Variants in MICOS10 observed in about 807,000 individuals in gnomAD.
The protein encoded by MICOS10 is mitochondrial contact site and cristae organizing system subunit 10, also known as MICOS complex subunit MIC10.
A neutral mutation model predicts 13.4 loss-of-function variants in MICOS10; 5 were observed. That is an observed-to-expected ratio of 0.37 (90% confidence interval 0.20 to 0.78). The LOEUF is 0.78. Ranked by LOEUF, MICOS10 falls within the 30% of genes least tolerant of loss-of-function variation. MICOS10 has a pLI of 0.47. For synonymous variants in MICOS10, 35 were observed against 33.6 expected, an observed-to-expected ratio of 1.04 and a Z score of -0.15; for missense variants, 101 against 94.6, an observed-to-expected ratio of 1.07 and a Z score of -0.28.
At chr1:19,617,542 A>G (rs1326215546) in intron 1 of MICOS10, among the ~76,000 whole-genome samples, 1 of 152,228 alleles carries the variant, frequency 6.6e-6, no homozygotes, top group Non-Finnish European at 1.5e-5. Context: ...TAAGTAACAC[A>G]GTTTGAAGCT....
At chr1:19,614,390 ACACACACT>A (rs1343460618) in intron 1 of MICOS10, 1 of 151,084 alleles carries the variant, frequency 6.6e-6, no homozygotes, top group African/African-American at 2.4e-5. Context: ...TCTTTCACAC[ACACACACT>A]CTCACACACA....
intron 1 of MICOS10, among the ~76,000 whole-genome samples, chr1:19,604,199 G>A (rs2094826383): frequency 6.6e-6 from 1 of 152,150 alleles, no homozygotes; most frequent in African/African-American, 2.4e-5. Flanking sequence ...GACGTTGCCT[G>A]TACTTACTAA....
chr1:19,624,672 G>A (rs896847595), intron 3 of MICOS10, among the ~76,000 whole-genome samples: 40 of 152,192 alleles, frequency 2.6e-4, no homozygotes, highest in Middle Eastern at 3.4e-3. Flanking sequence ...GCTTCCTCAG[G>A]GCTTCGTGTG....
chr1:19,627,808 T>C lies in MICOS10; in HGVS notation c.*1407T>C, dbSNP rs2094926762. Reference sequence around the variant, plus strand: ...CTGACTCCAGTTCTGGAACATTGATTAGACCTTAGTTCTTGCAAGTGCTAT... The same window carrying C: ...CTGACTCCAGTTCTGGAACATTGATCAGACCTTAGTTCTTGCAAGTGCTAT... On this transcript the variant is annotated 3_prime_UTR_variant, in exon 4 of 4. Coordinates refer to ENST00000322753, the MANE Select transcript of MICOS10 (RefSeq NM_001032363.4). 1 of 152,268 alleles carries C rather than the reference T, an allele frequency of 6.6e-6. No individual in the cohort carries two copies. The highest frequency in any genetic ancestry group is 1.5e-5 in the Non-Finnish European group (1 of 68,070). 9.4% of individuals were successfully genotyped at this position (152,268 alleles called of 1,614,324 possible).
chr1:19,629,115 A>G lies in MICOS10; in HGVS notation c.*2714A>G, dbSNP rs1333208830. 1 of 152,226 alleles carries G rather than the reference A, an allele frequency of 6.6e-6. No individual in the cohort carries two copies. The highest frequency in any genetic ancestry group is 1.5e-5 in the Non-Finnish European group (1 of 68,072). The allele number at this position is 152,226 out of a possible 1,614,324, so 9.4% of individuals were successfully genotyped here. On this transcript the variant is annotated 3_prime_UTR_variant, in exon 4 of 4. Coordinates refer to ENST00000322753, the MANE Select transcript of MICOS10 (RefSeq NM_001032363.4). The stretch of plus-strand genomic sequence containing the variant: ...CACTCCCTGCCCCCATCTCAGATCA[A>G]CCTTCAGAAAGTCCCGGCTTGTTGG...
chr1:19,617,054 A>G (rs768429602), intron 1 of MICOS10, among the ~76,000 whole-genome samples: 1 of 152,122 alleles, frequency 6.6e-6, no homozygotes, highest in Non-Finnish European at 1.5e-5. Context: ...GTCTCCAGCT[A>G]TGTTTCTTGT....
At position 19,627,419 on chromosome 1, in the gene MICOS10, GATAA is replaced by G. The variant is rs1176057093; in HGVS notation, c.*1022_*1025del. 1 of 152,208 alleles carries G rather than the reference GATAA, an allele frequency of 6.6e-6. No individual in the cohort carries two copies. Among genetic ancestry groups the G allele is most frequent in the East Asian group, 1.9e-4 (1 of 5,196 alleles). The allele number at this position is 152,208 out of a possible 1,614,324, so 9.4% of individuals were successfully genotyped here. On this transcript the variant is annotated 3_prime_UTR_variant, in exon 4 of 4. Coordinates refer to ENST00000322753, the MANE Select transcript of MICOS10 (RefSeq NM_001032363.4). ...CTGTTGTAAGCAGCAGAGATAAATG[GATAA>G]ATAGACACAGGCTTCTGCCTTCAAG...
intron 1 of MICOS10, among the ~76,000 whole-genome samples, chr1:19,611,727 T>C (rs893267072): frequency 2.6e-5 from 4 of 151,928 alleles, no homozygotes; most frequent in African/African-American, 9.7e-5. Flanking sequence ...ATCCCAGCAC[T>C]TTGGGAGGCT....
At chr1:19,620,704 G>A (rs926278154) in intron 1 of MICOS10, among the ~76,000 whole-genome samples, 2 of 152,128 alleles carry the variant, frequency 1.3e-5, no homozygotes, top group South Asian at 4.1e-4. Context: ...CTGAATTCTA[G>A]AGATTAAGAT....
intron 1 of MICOS10, among the ~76,000 whole-genome samples, chr1:19,604,079 T>C (rs2094825938): frequency 6.6e-6 from 1 of 152,232 alleles, no homozygotes; most frequent in Non-Finnish European, 1.5e-5. Flanking sequence ...AAAATAAATG[T>C]ACCAGTAAAT....
At chr1:19,610,226 A>G (rs1322566322) in intron 1 of MICOS10, among the ~76,000 whole-genome samples, 1 of 152,110 alleles carries the variant, frequency 6.6e-6, no homozygotes, top group Non-Finnish European at 1.5e-5. Context: ...ATTGTTTTAA[A>G]ATGCTCTTTA....
intron 3 of MICOS10, chr1:19,625,370 G>A (rs1477013840): frequency 8.5e-6 from 11 of 1,286,900 alleles, no homozygotes; most frequent in South Asian, 1.2e-5. Context: ...ATCCTGCCAC[G>A]GCCCTGCACC....
chr1:19,601,141 A>G lies in MICOS10; in HGVS notation c.64+4032A>G, dbSNP rs1175435562. ...GCTTTCTTAAGCCTGTACTTTAGGCAGTGGTCCTTTAAAAAAGTAATCTTC... is the reference window on the plus strand; with the variant it reads ...GCTTTCTTAAGCCTGTACTTTAGGCGGTGGTCCTTTAAAAAAGTAATCTTC... On this transcript the variant is annotated intron_variant, in intron 1 of 3. Coordinates refer to ENST00000322753, the MANE Select transcript of MICOS10 (RefSeq NM_001032363.4). The G allele has an allele frequency of 1.5e-5, 8 of 529,752 alleles. No individual in the cohort carries two copies. In the Admixed American group the frequency reaches 2.2e-4, roughly 15 times the overall value. The allele number at this position is 529,752 out of a possible 1,614,324, so 32.8% of individuals were successfully genotyped here.
intron 1 of MICOS10, among the ~76,000 whole-genome samples, chr1:19,621,125 A>G (rs1024890818): frequency 1.3e-5 from 2 of 152,204 alleles, no homozygotes; most frequent in Middle Eastern, 3.2e-3. Context: ...AGTCGCCTTA[A>G]AATTGAACCC....
At chr1:19,625,189 G>A (rs564481414) in intron 3 of MICOS10, among the ~76,000 whole-genome samples, 3 of 152,300 alleles carry the variant, frequency 2.0e-5, no homozygotes, top group South Asian at 2.1e-4. Flanking sequence ...TGTGAAGTAC[G>A]AAATATATAA....
In MICOS10 at chr1:19,627,486, C is replaced by T. The variant is rs2094925797; in HGVS notation, c.*1085C>T. ...TGATGGAAAGACAGACGTGCAAACA[C>T]AACTCTGAAAGAAGTGTTTTAATGG... On this transcript the variant is annotated 3_prime_UTR_variant, in exon 4 of 4. Transcript: ENST00000322753. 6.6e-6 allele frequency: 1 copy of T among 152,202 alleles called. No individual in the cohort carries two copies. The highest frequency in any genetic ancestry group is 6.5e-5 in the Admixed American group (1 of 15,272). 9.4% of individuals were successfully genotyped at this position (152,202 alleles called of 1,614,324 possible). A position where few individuals can be genotyped will look rare whatever the true frequency, so the allele number is the denominator to read the frequency against.
intron 1 of MICOS10, among the ~76,000 whole-genome samples, chr1:19,609,137 C>T (rs796894707): frequency 3.5e-4 from 53 of 150,860 alleles, no homozygotes; most frequent in African/African-American, 1.3e-3. Context: ...GCTAGGACTA[C>T]AGGTGCGTGC....
intron 1 of MICOS10, chr1:19,608,349 A>G: frequency 7.8e-7 from 1 of 1,285,388 alleles, no homozygotes; most frequent in Non-Finnish European, 1.1e-6. Context: ...TTGACCACCC[A>G]GGATGTGGCC....
chr1:19,611,469 A>ATTTTTTTT (rs768118529), intron 1 of MICOS10, among the ~76,000 whole-genome samples: 1,448 of 90,270 alleles, frequency 0.016, 241 homozygotes, highest in African/African-American at 0.071. Context: ...TTGCAACTTG[A>ATTTTTTTT]TTTTTTTTTT....
Sources: gnomAD v4.1 joint callset for allele counts (sites outside exome capture counted in the v4.1 genomes callset) on GRCh38, gnomAD v4.1.1 for gene constraint, MANE v1.5 for transcripts, NCBI Gene and HGNC (gene_info 2026-07-23, HGNC 2026-07-21) for gene names.